Variants in ADAMTS2 observed in about 807,000 individuals in gnomAD.
ADAMTS2 encodes the protein A disintegrin and metalloproteinase with thrombospondin motifs 2.
Under a neutral mutation model 123.0 loss-of-function variants are expected in ADAMTS2, and 50 were observed. That is an observed-to-expected ratio of 0.41 (90% CI 0.32 to 0.51). ADAMTS2 has a LOEUF of 0.51. Ranked by LOEUF, ADAMTS2 falls within the 20% of genes least tolerant of loss-of-function variation. The probability of loss-of-function intolerance (pLI) is 0.35; values close to 1 mark genes in which losing one functional copy is unlikely to be tolerated. For synonymous variants in ADAMTS2, 678 were observed against 695.4 expected, an observed-to-expected ratio of 0.98 and a Z score of 0.39; for missense variants, 1,494 against 1,705.2, an observed-to-expected ratio of 0.88 and a Z score of 2.18.
At position 179,332,775 on chromosome 5, in the gene ADAMTS2, G is replaced by A. The variant is rs148515374; in HGVS notation, c.534+10992C>T. Reference sequence around the variant, plus strand: ...AGGAAGGGAGGGGAAGGAAGGGAAGGAGAGGAGACCAGGAGCCTCCCAGGG... The same window carrying A: ...AGGAAGGGAGGGGAAGGAAGGGAAGAAGAGGAGACCAGGAGCCTCCCAGGG... On this transcript the variant is annotated intron_variant, in intron 2 of 21. Transcript: ENST00000251582. This position sits in a 1 kb window ranked among gnomAD's most constrained non-coding sequence, Gnocchi z 4.2. 5.3e-3 allele frequency among the ~76,000 whole-genome samples: 800 copies of A among 152,154 alleles called. 3 individuals carry two copies. Among genetic ancestry groups the A allele is most frequent in the Non-Finnish European group, 9.1e-3 (615 of 67,952 alleles).
chr5:179,275,115 T>C (rs1218133247), intron 2 of ADAMTS2, among the ~76,000 whole-genome samples: 3 of 151,948 alleles, frequency 2.0e-5, no homozygotes, highest in Non-Finnish European at 4.4e-5. Flanking sequence ...AGGGAGATTG[T>C]AGGCAGCCCA....
At chr5:179,131,429 T>C (rs1184783116) in intron 15 of ADAMTS2, among the ~76,000 whole-genome samples, 1 of 150,570 alleles carries the variant, frequency 6.6e-6, no homozygotes, top group Non-Finnish European at 1.5e-5. Flanking sequence ...AAGGGCATGG[T>C]ATGTTTGTCA....
At chr5:179,148,614 G>A (rs1398368074) in intron 10 of ADAMTS2, among the ~76,000 whole-genome samples, 1 of 152,170 alleles carries the variant, frequency 6.6e-6, no homozygotes, top group Non-Finnish European at 1.5e-5. Flanking sequence ...TTGCTGGGGA[G>A]CCGTCCTCCT....
chr5:179,285,006 A>G lies in ADAMTS2; in HGVS notation c.535-11942T>C, dbSNP rs1010206925. 6.6e-6 allele frequency among the ~76,000 whole-genome samples: 1 copy of G among 152,128 alleles called. No homozygotes were observed. The highest frequency in any genetic ancestry group is 2.4e-5 in the African/African-American group (1 of 41,412). On this transcript the variant is annotated intron_variant, in intron 2 of 21. Coordinates refer to ENST00000251582, the MANE Select transcript of ADAMTS2 (RefSeq NM_014244.5). This position sits in a 1 kb window ranked among gnomAD's most constrained non-coding sequence, Gnocchi z 4.9. ...CTGTGGACAGTGTCTGCAGGGTTGAATGGAGATAATAACAGGGTTTCCATG... is the reference window on the plus strand; with the variant it reads ...CTGTGGACAGTGTCTGCAGGGTTGAGTGGAGATAATAACAGGGTTTCCATG...
rs1179722227 is a variant in ADAMTS2, at chr5:179,344,133, G to A, written c.168C>T (p.Arg56=). Residue 56 remains arginine, a synonymous_variant, in exon 2 of 22, where the codon CGC becomes CGT. Coordinates refer to ENST00000251582, the MANE Select transcript of ADAMTS2 (RefSeq NM_014244.5). ...PGGPLGHGAE[R]ILAVPVRTDA... is the part of the protein sequence containing the mutation. The stretch of plus-strand genomic sequence containing the variant: ...CAGTGCGCACGGGCACCGCCAGGAT[G>A]CGCTCCGCTCCGTGCCCCAGGGGCC... 1.9e-6 allele frequency: 3 copies of A among 1,604,936 alleles called. No individual in the cohort carries two copies. In the African/African-American group the frequency reaches 4.0e-5, roughly 21 times the overall value.
At position 179,129,853 on chromosome 5, in the gene ADAMTS2, C is replaced by T. The variant is rs894639002; in HGVS notation, c.2457+79G>A. ...GAGTGTCACCTGAAGGGTCAGGAGG[C>T]TCAGCGTCCCAGGCACCCCCATCCC... On this transcript the variant is annotated intron_variant, in intron 16 of 21. Transcript: ENST00000251582. This position sits in a 1 kb window ranked among gnomAD's most constrained non-coding sequence, Gnocchi z 4.1. 10 of 1,584,004 alleles carry T rather than the reference C, an allele frequency of 6.3e-6. No individual in the cohort carries two copies. Among genetic ancestry groups the T allele is most frequent in the African/African-American group, 4.0e-5 (3 of 74,448 alleles).
At position 179,135,922 on chromosome 5, in the gene ADAMTS2, C is replaced by A. The variant is rs201052588; in HGVS notation, c.2072G>T (p.Arg691Leu). The A allele has an allele frequency of 1.2e-6, 2 of 1,613,178 alleles. No individual in the cohort carries two copies. The highest frequency in any genetic ancestry group is 1.1e-5 in the South Asian group (1 of 91,078). ...CTGTGTACTCACCCTGCAGTCCCCG[C>A]GCACACAGAGGCTGAAGGCGTCCTT... Reference protein sequence around the residue: ...SYKDAFSLCVRGDCRKVGCDG... With the variant: ...SYKDAFSLCVLGDCRKVGCDG... Residue 691 changes from arginine (R) to leucine (L), a missense_variant, in exon 13 of 22, where the codon CGC (arginine) becomes CTC (leucine). Arg to Leu is a moderately radical substitution (Grantham distance 102, BLOSUM62 -2). Around this residue, in one of 6 missense-constraint regions of ADAMTS2, gnomAD observed 953 missense variants for 1,124.7 expected, o/e 0.85. Transcript: ENST00000251582.
At chr5:179,124,059 A>G (rs890500260) in intron 19 of ADAMTS2, among the ~76,000 whole-genome samples, 6 of 152,156 alleles carry the variant, frequency 3.9e-5, no homozygotes, top group Non-Finnish European at 8.8e-5. Flanking sequence ...GGACACCGGG[A>G]GCCTGCGCCT....
At chr5:179,192,978 C>A (rs192067069) in intron 4 of ADAMTS2, among the ~76,000 whole-genome samples, 1 of 152,214 alleles carries the variant, frequency 6.6e-6, no homozygotes, top group Non-Finnish European at 1.5e-5. Context: ...CCCACCCCAG[C>A]GGGCTCCCAG....
At chr5:179,291,726 A>G (rs1756194969) in intron 2 of ADAMTS2, among the ~76,000 whole-genome samples, 1 of 151,042 alleles carries the variant, frequency 6.6e-6, no homozygotes. Context: ...TAAAGGTCCA[A>G]ACGATATTTA....
At chr5:179,159,283 C>A (rs1052213555) in intron 5 of ADAMTS2, among the ~76,000 whole-genome samples, 1 of 152,166 alleles carries the variant, frequency 6.6e-6, no homozygotes. Context: ...AAAGAGCTCA[C>A]AGTTTTGGGA....
intron 3 of ADAMTS2, among the ~76,000 whole-genome samples, chr5:179,257,129 C>A (rs1306226735): frequency 1.3e-5 from 2 of 152,206 alleles, no homozygotes; most frequent in Non-Finnish European, 2.9e-5. Context: ...TCAAAGGTGG[C>A]CGAGGTGGTT....
chr5:179,121,473 C>T (rs564245303), intron 21 of ADAMTS2, 188 bp downstream of exon 21: 177 of 472,652 alleles, frequency 3.7e-4, no homozygotes, highest in Non-Finnish European at 5.9e-4. Flanking sequence ...CGAGCCCCCG[C>T]CAGCAGGCAG....
rs552179050 is a variant in ADAMTS2, at chr5:179,202,008, C to T, written c.891+5505G>A. ...CTCATGAAGTGCTCCATTTCCAAGC[C>T]GCTTCCCTTCTGGCAAGTCTGAGAT... On this transcript the variant is annotated intron_variant, in intron 4 of 21. Coordinates refer to ENST00000251582, the MANE Select transcript of ADAMTS2 (RefSeq NM_014244.5). The surrounding 1 kb of genome is among the most constrained non-coding windows in gnomAD (Gnocchi z 4.0). Among the ~76,000 whole-genome samples, 179 of 152,262 alleles carry T rather than the reference C, an allele frequency of 1.2e-3. 3 individuals carry two copies. In the South Asian group the frequency reaches 0.014, roughly 12 times the overall value.
At chr5:179,299,078 C>T (rs1458460608) in intron 2 of ADAMTS2, among the ~76,000 whole-genome samples, 1 of 151,806 alleles carries the variant, frequency 6.6e-6, no homozygotes, top group Non-Finnish European at 1.5e-5. Flanking sequence ...GTGCTCCAGT[C>T]AAGAGGGCAG....
At position 179,207,585 on chromosome 5, in the gene ADAMTS2, G is replaced by T; in HGVS notation, c.819C>A (p.Gly273=). ...DDDYNIEVLL[G]VDDSVVQFHG... is the part of the protein sequence containing the mutation. ...GGAACTGCACCACAGAGTCATCCAC[G>T]CCCAGCAGGACCTCGATGTTGTAGT... The change falls in exon 4 of 22, where the codon GGC becomes GGA. Residue 273 remains glycine (G), a synonymous_variant. Coordinates refer to ENST00000251582, the MANE Select transcript of ADAMTS2 (RefSeq NM_014244.5). 6.2e-7 allele frequency: 1 copy of T among 1,612,932 alleles called. No homozygotes were observed. Among genetic ancestry groups the T allele is most frequent in the Non-Finnish European group, 8.5e-7 (1 of 1,179,776 alleles).
chr5:179,253,356 C>T (rs537154537), intron 3 of ADAMTS2, among the ~76,000 whole-genome samples: 1 of 152,232 alleles, frequency 6.6e-6, no homozygotes, highest in Admixed American at 6.5e-5. Flanking sequence ...TAAAAAAAGA[C>T]ATCCCGGCCG....
chr5:179,137,480 C>T (rs1049034581), intron 12 of ADAMTS2, among the ~76,000 whole-genome samples: 4 of 152,270 alleles, frequency 2.6e-5, no homozygotes, highest in Non-Finnish European at 5.9e-5. Context: ...CGTCCACCCA[C>T]GGTGAACTGC....
chr5:179,341,920 C>T (rs1020849000), intron 2 of ADAMTS2, among the ~76,000 whole-genome samples: 1 of 152,174 alleles, frequency 6.6e-6, no homozygotes, highest in Admixed American at 6.5e-5. Flanking sequence ...TCTGCACACG[C>T]TCCTCCCTCT....
Sources: allele counts gnomAD v4.1 joint callset (sites outside exome capture counted in the v4.1 genomes callset), GRCh38; gene constraint gnomAD v4.1.1; regional missense constraint gnomAD v4.1.1; non-coding constraint Gnocchi (gnomAD v3.1); transcripts MANE v1.5; gene names NCBI Gene and HGNC (gene_info 2026-07-23, HGNC 2026-07-21).